Variants in NR1H3 observed in about 807,000 individuals in gnomAD.
The protein encoded by NR1H3 is nuclear receptor subfamily 1 group H member 3, also known as oxysterols receptor LXR-alpha.
NR1H3 carries 19 observed loss-of-function variants against 48.1 expected under a neutral mutation model. The observed-to-expected ratio is 0.40, with a 90% CI of 0.28 to 0.58. NR1H3 has a LOEUF of 0.58. NR1H3 is among the 20% of genes least tolerant of loss of function. The probability of loss-of-function intolerance (pLI) is 0.50; values close to 1 mark genes in which losing one functional copy is unlikely to be tolerated. For synonymous variants in NR1H3, 232 were observed against 227.3 expected, an observed-to-expected ratio of 1.02 and a Z score of -0.19; for missense variants, 486 against 595.9, an observed-to-expected ratio of 0.82 and a Z score of 1.92.
chr11:47,265,255 T>G (rs1270878280), intron 7 of NR1H3, among the ~76,000 whole-genome samples: 2 of 151,968 alleles, frequency 1.3e-5, no homozygotes, highest in African/African-American at 4.8e-5. Context: ...ATCGCGCCAC[T>G]GCACTCCAGC....
At chr11:47,265,872 C>CA (rs559099321) in intron 7 of NR1H3, among the ~76,000 whole-genome samples, 1 of 151,932 alleles carries the variant, frequency 6.6e-6, no homozygotes, top group Non-Finnish European at 1.5e-5. Context: ...CTCTTTGTCT[C>CA]AAAAAAAATT....
intron 1 of NR1H3, chr11:47,250,543 G>A (rs902093651): frequency 6.6e-6 from 1 of 152,220 alleles, no homozygotes; most frequent in Admixed American, 6.5e-5. Context: ...AGGCCAAGAA[G>A]CAAATAGAGT....
chr11:47,255,615 C>CTCTCTCTTTCTTTCTTTCTT (rs1554981334), upstream of NR1H3, among the ~76,000 whole-genome samples: 6 of 93,208 alleles, frequency 6.4e-5, no homozygotes, highest in Admixed American at 3.4e-4. Flanking sequence ...CTCTCTCTCT[C>CTCTCTCTTTCTTTCTTTCTT]TCTTTCTTTC....
At chr11:47,257,608 GGCCGT>G (rs1009622450), upstream of NR1H3, 1 of 977,566 alleles carries the variant, frequency 1.0e-6, no homozygotes, top group African/African-American at 1.7e-5. Context: ...CGCAATTCCG[GGCCGT>G]GCTGGGACCT....
chr11:47,259,081 A>G, intron 1 of NR1H3, 99 bp from the exon 2 acceptor site: 1 of 1,570,294 alleles, frequency 6.4e-7, no homozygotes, highest in Non-Finnish European at 8.7e-7. Context: ...GTTAGCTGAT[A>G]TTGTTGATAT....
In NR1H3 at chr11:47,267,982, ATGCCGAGTT is replaced by A; in HGVS notation, c.1063_1071del (p.Glu355_Ala357del). 6.2e-7 allele frequency: 1 copy of A among 1,614,010 alleles called. No individual in the cohort carries two copies. The highest frequency in any genetic ancestry group is 8.5e-7 in the Non-Finnish European group (1 of 1,180,000). On this transcript the variant is annotated inframe_deletion, in exon 8 of 10. Coordinates refer to ENST00000441012, the MANE Select transcript of NR1H3 (RefSeq NM_005693.4). Reference sequence around the variant, plus strand: ...GCCATGAATGAGCTGCAACTCAATGATGCCGAGTTTGCCTTGCTCATTGCTATCAGCATC... The same window carrying A: ...GCCATGAATGAGCTGCAACTCAATGATGCCTTGCTCATTGCTATCAGCATC...
upstream of NR1H3, among the ~76,000 whole-genome samples, chr11:47,254,812 A>T (rs1429414211): frequency 6.6e-6 from 1 of 151,730 alleles, no homozygotes; most frequent in Non-Finnish European, 1.5e-5. Context: ...CTTCTGCCTC[A>T]GCCTTCATCT....
Position 47,259,197 on chromosome 11 carries a change from G to A in NR1H3, c.-20G>A. On this transcript the variant is annotated 5_prime_UTR_variant, in exon 2 of 10. An upstream start codon of the reference 5' UTR is lost. Transcript: ENST00000441012. ...TCCTGCAGGACAGTGCCTTGGTAAT[G>A]ACCAGGGCTCCAGGAAGAGATGTCC... is the stretch of plus-strand genomic sequence containing the variant. 1 of 1,614,122 alleles carries A rather than the reference G, an allele frequency of 6.2e-7. No homozygotes were observed. The highest frequency in any genetic ancestry group is 8.5e-7 in the Non-Finnish European group (1 of 1,179,992).
Position 47,260,657 on chromosome 11 carries a change from G to A in NR1H3, c.481G>A (p.Ala161Thr). The change falls in exon 4 of 10, where the codon GCT becomes ACT. Residue 161 changes from alanine to threonine, a missense_variant. By Grantham distance (58) the Ala-to-Thr change is moderately conservative. Transcript: ENST00000441012. ...QECRLRKCRQ[A>T]GMREECVLSE... ...GTGTCGGCTTCGCAAATGCCGTCAGGCTGGCATGCGGGAGGAGTGTGAGTT... is the reference window on the plus strand; with the variant it reads ...GTGTCGGCTTCGCAAATGCCGTCAGACTGGCATGCGGGAGGAGTGTGAGTT... 1.2e-6 allele frequency: 2 copies of A among 1,602,296 alleles called. No individual in the cohort carries two copies. The highest frequency in any genetic ancestry group is 1.7e-6 in the Non-Finnish European group (2 of 1,177,536).
chr11:47,259,033 A>G (rs1416096147), intron 1 of NR1H3, 147 bp from the exon 2 acceptor site: 1 of 1,369,124 alleles, frequency 7.3e-7, no homozygotes, highest in Non-Finnish European at 9.7e-7. Context: ...TAGTAATATA[A>G]TAAAGCCTTA....
upstream of NR1H3, among the ~76,000 whole-genome samples, chr11:47,255,619 T>TCTCTC (rs1565178937): frequency 1.5e-3 from 128 of 83,030 alleles, 2 homozygotes; most frequent in African/African-American, 4.5e-3. Context: ...CTCTCTCTCT[T>TCTCTC]TCTTTCTTTC....
At chr11:47,259,538 C>A in intron 2 of NR1H3, 1 of 1,494,680 alleles carries the variant, frequency 6.7e-7, no homozygotes, top group South Asian at 1.3e-5. Flanking sequence ...TTTATCTGAT[C>A]TCTGAAATGC....
intron 2 of NR1H3, chr11:47,259,497 G>A: frequency 6.5e-7 from 1 of 1,543,272 alleles, no homozygotes; most frequent in Non-Finnish European, 8.7e-7. Flanking sequence ...TTGGCCAGCT[G>A]AGTGCTTACC....
rs1955662650 is a variant in NR1H3, at chr11:47,260,049, T to TG, written c.232+75dup. 1.4e-5 allele frequency: 19 copies of TG among 1,329,520 alleles called. No homozygotes were observed. The South Asian group carries it at 2.5e-4, about 18-fold the overall frequency. The allele number at this position is 1,329,520 out of a possible 1,614,324, so 82.4% of individuals were successfully genotyped here. ...GGTCCTGGATCTGGAAGAGGTTCCTTGGGGGTTTTTACTTTATATATAATC... is the reference window on the plus strand; with the variant it reads ...GGTCCTGGATCTGGAAGAGGTTCCTTGGGGGGTTTTTACTTTATATATAATC... On this transcript the variant is annotated intron_variant, in intron 3 of 9. Coordinates refer to ENST00000441012, the MANE Select transcript of NR1H3 (RefSeq NM_005693.4).
At chr11:47,259,283 C>T in intron 2 of NR1H3, 24 bp downstream of exon 2, 1 of 1,614,164 alleles carries the variant, frequency 6.2e-7, no homozygotes, top group African/African-American at 1.3e-5. Context: ...CATCCCTCTC[C>T]CCTGAGCCCA....
In NR1H3 at chr11:47,260,433, A is replaced by G; in HGVS notation, c.257A>G (p.Lys86Arg). ...GAGATCCGTCCACAAAAGCGGAAAA[A>G]GGGGCCAGCCCCCAAAATGCTGGGG... Reference protein sequence around the residue: ...PTEIRPQKRKKGPAPKMLGNE... With the variant: ...PTEIRPQKRKRGPAPKMLGNE... Residue 86 changes from lysine to arginine, a missense_variant, in exon 4 of 10, where the codon AAG (lysine) becomes AGG (arginine). Coordinates refer to ENST00000441012, the MANE Select transcript of NR1H3 (RefSeq NM_005693.4). The G allele has an allele frequency of 2.5e-6, 4 of 1,612,032 alleles. No homozygotes were observed. The highest frequency in any genetic ancestry group is 2.5e-6 in the Non-Finnish European group (3 of 1,178,690).
At chr11:47,259,761 A>AC (rs1464304868) in intron 2 of NR1H3, 30 bp from the exon 3 acceptor site, 2 of 1,610,504 alleles carry the variant, frequency 1.2e-6, no homozygotes, top group Non-Finnish European at 1.7e-6. Flanking sequence ...GGGGCCTGAG[A>AC]CCCCCTTGTG....
upstream of NR1H3, chr11:47,257,831 G>T (rs1955344843): frequency 1.0e-6 from 1 of 976,232 alleles, no homozygotes; most frequent in African/African-American, 1.8e-5. Context: ...GGCGGGAGAG[G>T]GGGTGGCCGG....
At chr11:47,257,136 G>T (rs967325518), upstream of NR1H3, among the ~76,000 whole-genome samples, 4 of 152,192 alleles carry the variant, frequency 2.6e-5, no homozygotes, top group African/African-American at 9.6e-5. Flanking sequence ...TGGGGGAGAT[G>T]AAATCAATAA....
Sources: allele counts gnomAD v4.1 joint callset (sites outside exome capture counted in the v4.1 genomes callset), GRCh38; gene constraint gnomAD v4.1.1; transcripts MANE v1.5; gene names NCBI Gene and HGNC (gene_info 2026-07-23, HGNC 2026-07-21).